NCAM2: variants seen among roughly 807,000 people sequenced by gnomAD.
NCAM2 encodes the protein neural cell adhesion molecule 2, also known as N-CAM-2.
Under a neutral mutation model 98.1 loss-of-function variants are expected in NCAM2, and 30 were observed. The observed-to-expected ratio is 0.31, with a 90% CI of 0.23 to 0.41. The LOEUF is 0.41. Ranked by LOEUF, NCAM2 falls within the 10% of genes least tolerant of loss-of-function variation. The pLI, the probability that NCAM2 is intolerant of heterozygous loss-of-function variation, is 1.00. For missense variants in NCAM2, 867 were observed against 1,005.8 expected, an observed-to-expected ratio of 0.86 and a Z score of 1.87; for synonymous variants, 368 against 342.4, an observed-to-expected ratio of 1.07 and a Z score of -0.83.
chr21:21,415,909 A>G (rs1403811283), intron 10 of NCAM2, among the ~76,000 whole-genome samples: 1 of 152,188 alleles, frequency 6.6e-6, no homozygotes, highest in African/African-American at 2.4e-5. Flanking sequence ...TCTCCATAAC[A>G]TGAGTAAGGC....
At position 21,542,023 on chromosome 21, in the gene NCAM2, T is replaced by C. The variant is rs531841898; in HGVS notation, c.*4066T>C. On this transcript the variant is annotated 3_prime_UTR_variant, in exon 18 of 18. Transcript: ENST00000400546. ...GAAATTGCATATGGATGTATCAACA[T>C]AGGCTAAAATTAAATTATGGATGTC... The C allele has an allele frequency of 1.3e-5, 2 of 151,930 alleles. No individual in the cohort carries two copies. The highest frequency in any genetic ancestry group is 2.4e-5 in the African/African-American group (1 of 41,436). 9.4% of individuals were successfully genotyped at this position (151,930 alleles called of 1,614,324 possible). A position where few individuals can be genotyped will look rare whatever the true frequency, so the allele number is the denominator to read the frequency against.
chr21:21,449,308 G>A (rs999473552), intron 12 of NCAM2, among the ~76,000 whole-genome samples: 1 of 151,660 alleles, frequency 6.6e-6, no homozygotes, highest in African/African-American at 2.4e-5. Flanking sequence ...AATATTTCAT[G>A]AGTGTTTTAT....
At chr21:21,382,603 C>T (rs1314588591) in intron 9 of NCAM2, among the ~76,000 whole-genome samples, 4 of 151,632 alleles carry the variant, frequency 2.6e-5, no homozygotes, top group Admixed American at 2.6e-4. Flanking sequence ...GCAACCTTCA[C>T]CTCCTGGGTT....
intron 1 of NCAM2, among the ~76,000 whole-genome samples, chr21:21,264,984 ATATGTG>A (rs1244783760): frequency 2.7e-4 from 28 of 102,166 alleles, no homozygotes; most frequent in African/African-American, 9.8e-4. Context: ...TATATATTAT[ATATGTG>A]TATGTGTATA....
At position 21,520,937 on chromosome 21, in the gene NCAM2, C is replaced by T. The variant is rs537078528; in HGVS notation, c.2282+11882C>T. The stretch of plus-strand genomic sequence containing the variant: ...GAGAATTTTACCTTCAGGAGCTTAA[C>T]CTAGTTGTTACAATGATTATTGGAG... On this transcript the variant is annotated intron_variant, in intron 16 of 17. Coordinates refer to ENST00000400546, the MANE Select transcript of NCAM2 (RefSeq NM_004540.5). Among the ~76,000 whole-genome samples, 4 of 152,160 alleles carry T rather than the reference C, an allele frequency of 2.6e-5. 1 individual carries two copies. Among genetic ancestry groups the T allele is most frequent in the African/African-American group, 9.6e-5 (4 of 41,538 alleles).
chr21:21,321,651 C>T (rs1420162876), intron 5 of NCAM2, among the ~76,000 whole-genome samples: 4 of 152,056 alleles, frequency 2.6e-5, no homozygotes, highest in African/African-American at 7.2e-5. Context: ...CCATTTATCC[C>T]AGCACCACTT....
At chr21:21,454,945 C>T (rs540061807) in intron 12 of NCAM2, among the ~76,000 whole-genome samples, 1 of 151,908 alleles carries the variant, frequency 6.6e-6, no homozygotes, top group Admixed American at 6.6e-5. Flanking sequence ...TTTGCATTCT[C>T]ATAGCCTTAA....
intron 1 of NCAM2, among the ~76,000 whole-genome samples, chr21:21,131,650 T>G (rs1556309): frequency 0.92 from 140,406 of 152,220 alleles, 65,766 homozygotes; most frequent in East Asian, 1. Flanking sequence ...GTGTGTAGAA[T>G]AATATTGTAT....
intron 1 of NCAM2, among the ~76,000 whole-genome samples, chr21:21,038,790 C>T (rs1271138229): frequency 6.6e-6 from 1 of 152,152 alleles, no homozygotes; most frequent in Non-Finnish European, 1.5e-5. Context: ...TCCCATTTGA[C>T]TGTAGACCAA....
At chr21:21,125,714 T>TATAGAGAGAGAGAG (rs1555887746) in intron 1 of NCAM2, among the ~76,000 whole-genome samples, 2 of 134,404 alleles carry the variant, frequency 1.5e-5, no homozygotes, top group African/African-American at 2.7e-5. Context: ...TATATATATA[T>TATAGAGAGAGAGAG]AGAGAGAGAG....
At chr21:21,079,148 T>C (rs2065741374) in intron 1 of NCAM2, among the ~76,000 whole-genome samples, 1 of 152,180 alleles carries the variant, frequency 6.6e-6, no homozygotes, top group Admixed American at 6.5e-5. Context: ...CAGGTATATC[T>C]ATGTAACAAA....
intron 15 of NCAM2, among the ~76,000 whole-genome samples, chr21:21,497,031 T>TA (rs1265488063): frequency 2.6e-5 from 4 of 151,840 alleles, no homozygotes; most frequent in Middle Eastern, 3.4e-3. Flanking sequence ...TACACAGCCA[T>TA]AAAAAAAATG....
In NCAM2 at chr21:21,503,396, G is replaced by A. The variant is rs201781868; in HGVS notation, c.2078-5455G>A. Among the ~76,000 whole-genome samples, 10 of 151,852 alleles carry A rather than the reference G, an allele frequency of 6.6e-5. No individual in the cohort carries two copies. In the East Asian group the frequency reaches 9.6e-4, roughly 15 times the overall value. ...AGACTGACAATAGAGGGCTGAAACA[G>A]CTCCTAAGTAACTAAGAGGTGGGTA... On this transcript the variant is annotated intron_variant, in intron 15 of 17. Transcript: ENST00000400546.
At chr21:21,514,246 C>T (rs1453276328) in intron 16 of NCAM2, among the ~76,000 whole-genome samples, 3 of 150,972 alleles carry the variant, frequency 2.0e-5, no homozygotes, top group Admixed American at 6.6e-5. Flanking sequence ...GAGGCTGAGG[C>T]GGGTGGATCA....
At chr21:21,510,109 C>G (rs1366036619) in intron 16 of NCAM2, among the ~76,000 whole-genome samples, 1 of 152,082 alleles carries the variant, frequency 6.6e-6, no homozygotes, top group Non-Finnish European at 1.5e-5. Flanking sequence ...CTTATATTTT[C>G]TTGAATTTCA....
chr21:21,519,582 C>T (rs1406146685), intron 16 of NCAM2, among the ~76,000 whole-genome samples: 3 of 70 alleles, frequency 0.043, no homozygotes, highest in East Asian at 0.12. Context: ...GTTAATTTGT[C>T]CACCACACCT....
At chr21:21,049,012 A>ACT (rs2065052247) in intron 1 of NCAM2, among the ~76,000 whole-genome samples, 1 of 42,144 alleles carries the variant, frequency 2.4e-5, no homozygotes, top group African/African-American at 5.9e-5. Flanking sequence ...ATTTACTATT[A>ACT]ATTTTTTTTT....
chr21:21,359,275 C>T (rs770469566), intron 8 of NCAM2, among the ~76,000 whole-genome samples: 34 of 151,894 alleles, frequency 2.2e-4, no homozygotes, highest in Non-Finnish European at 4.9e-4. Context: ...TATTCCCCAT[C>T]TGATGTAGGT....
At chr21:21,444,016 C>T (rs1602358698) in intron 12 of NCAM2, among the ~76,000 whole-genome samples, 1 of 152,208 alleles carries the variant, frequency 6.6e-6, no homozygotes, top group East Asian at 1.9e-4. Context: ...TGTGTTCCAT[C>T]AATACCTAGC....
Sources: allele counts gnomAD v4.1 joint callset (sites outside exome capture counted in the v4.1 genomes callset), GRCh38; gene constraint gnomAD v4.1.1; transcripts MANE v1.5; gene names NCBI Gene and HGNC (gene_info 2026-07-23, HGNC 2026-07-21).